The following MSH4 variants were observed in gnomAD, a reference collection of about 807,000 sequenced individuals.
MSH4 encodes the protein mutS protein homolog 4.
MSH4 carries 106 observed loss-of-function variants against 113.7 expected under a neutral mutation model. That is an observed-to-expected ratio of 0.93 (90% CI 0.80 to 1.10). The LOEUF (loss-of-function observed/expected upper bound fraction) is 1.10, where lower values mean the gene tolerates loss of function less well. Ranked by LOEUF, MSH4 falls within the 50% of genes least tolerant of loss-of-function variation. The pLI is 0.00. For synonymous variants in MSH4, 368 were observed against 380.2 expected (o/e 0.97, Z 0.37); for missense variants, 1,061 against 1,093.7 (o/e 0.97, Z 0.42).
chr1:75,858,299 T>C (rs142820161), intron 8 of MSH4, among the ~76,000 whole-genome samples: 39,529 of 152,176 alleles, frequency 0.26, 6,533 homozygotes, highest in East Asian at 0.68. Flanking sequence ...CTTCCAATAC[T>C]ATGTTGAATA....
chr1:75,878,940 T>G, intron 11 of MSH4, 52 bp from the exon 12 acceptor site: 1 of 1,506,174 alleles, frequency 6.6e-7, no homozygotes. Context: ...TTTTTCTCAT[T>G]AAAATTTATT....
intron 6 of MSH4, 50 bp from the exon 7 acceptor site, chr1:75,822,359 T>C (rs750450798): frequency 1.7e-6 from 2 of 1,189,610 alleles, no homozygotes; most frequent in South Asian, 2.9e-5. Flanking sequence ...AAATGAAATT[T>C]TCTTGCGTTT....
At chr1:75,848,171 A>G (rs751040078) in intron 7 of MSH4, 38 bp from the exon 8 acceptor site, 1 of 1,379,444 alleles carries the variant, frequency 7.2e-7, no homozygotes, top group Non-Finnish European at 1.0e-6. Flanking sequence ...GAACTGTACC[A>G]TAAAGTTTAA....
chr1:75,822,195 A>G (rs1233414249), intron 6 of MSH4, among the ~76,000 whole-genome samples: 1 of 150,804 alleles, frequency 6.6e-6, no homozygotes, highest in Non-Finnish European at 1.5e-5. Context: ...AAGCTGAGGC[A>G]GGAGAATGGC....
rs559765439 is a variant in MSH4, at chr1:75,838,657, C to G, written c.1163-9552C>G. On this transcript the variant is annotated intron_variant, in intron 7 of 19. Coordinates refer to ENST00000263187, the MANE Select transcript of MSH4 (RefSeq NM_002440.4). ...ATCTCCCACAGCATCTCTTGATACT[C>G]TTCACTCTCCATTTTCTCTTCTAGT... 2.6e-5 allele frequency among the ~76,000 whole-genome samples: 4 copies of G among 152,260 alleles called. No individual in the cohort carries two copies. The East Asian group carries it at 5.8e-4, about 22-fold the overall frequency.
At chr1:75,803,274 G>A (rs925625040) in intron 1 of MSH4, among the ~76,000 whole-genome samples, 1 of 152,076 alleles carries the variant, frequency 6.6e-6, no homozygotes, top group Non-Finnish European at 1.5e-5. Flanking sequence ...CATTAATTTT[G>A]TTATAATCTG....
At chr1:75,865,542 C>T (rs1651544729) in intron 8 of MSH4, among the ~76,000 whole-genome samples, 1 of 152,148 alleles carries the variant, frequency 6.6e-6, no homozygotes, top group African/African-American at 2.4e-5. Context: ...CAAGGAGAAA[C>T]ATGGGCAAAA....
chr1:75,908,184 C>T (rs1381666229), intron 19 of MSH4, among the ~76,000 whole-genome samples: 2 of 139,282 alleles, frequency 1.4e-5, no homozygotes, highest in African/African-American at 5.4e-5. Context: ...CTGGCTCTGT[C>T]ACCCAGGCTG....
chr1:75,837,927 C>G (rs1403399675), intron 7 of MSH4, among the ~76,000 whole-genome samples: 1 of 152,192 alleles, frequency 6.6e-6, no homozygotes, highest in Non-Finnish European at 1.5e-5. Context: ...TTATAAGAGC[C>G]TCCTATTTGG....
intron 7 of MSH4, among the ~76,000 whole-genome samples, chr1:75,831,333 A>G (rs934305647): frequency 2.6e-5 from 4 of 152,164 alleles, no homozygotes; most frequent in African/African-American, 9.7e-5. Flanking sequence ...CCCACACAAT[A>G]ATAGTCGGAG....
intron 15 of MSH4, among the ~76,000 whole-genome samples, chr1:75,888,884 G>A (rs1487327215): frequency 6.7e-6 from 1 of 150,020 alleles, no homozygotes; most frequent in Non-Finnish European, 1.5e-5. Flanking sequence ...TGTACAGTAG[G>A]TAGGGCAACT....
chr1:75,822,690 T>C (rs1650448980), intron 7 of MSH4, 109 bp downstream of exon 7: 2 of 536,314 alleles, frequency 3.7e-6, no homozygotes, highest in Non-Finnish European at 5.9e-6. Context: ...TTAATTCTTG[T>C]ATTCTTTTAT....
chr1:75,855,205 T>G (rs1466225484), intron 8 of MSH4, among the ~76,000 whole-genome samples: 1 of 152,088 alleles, frequency 6.6e-6, no homozygotes, highest in Non-Finnish European at 1.5e-5. Context: ...ACCCAACTAA[T>G]TTTTAAGTTT....
chr1:75,834,703 TCTCA>T (rs1431490757), intron 7 of MSH4, among the ~76,000 whole-genome samples: 2 of 152,136 alleles, frequency 1.3e-5, no homozygotes, highest in Non-Finnish European at 2.9e-5. Flanking sequence ...CACCGCATGT[TCTCA>T]CTCATAGGTG....
Position 75,850,053 on chromosome 1 carries a change from T to A in MSH4, c.1230+1777T>A, listed in dbSNP as rs577431507. On this transcript the variant is annotated intron_variant, in intron 8 of 19. Coordinates refer to ENST00000263187, the MANE Select transcript of MSH4 (RefSeq NM_002440.4). ...ATTCCTGATACTGATAATTTTAATA[T>A]GTTCTCTGTTTTTCTTAATCAGCCT... 1.4e-4 allele frequency among the ~76,000 whole-genome samples: 21 copies of A among 152,246 alleles called. No homozygotes were observed. The South Asian group carries it at 4.4e-3, about 32-fold the overall frequency.
chr1:75,804,019 T>C (rs895362408), intron 2 of MSH4, 106 bp downstream of exon 2: 4 of 723,166 alleles, frequency 5.5e-6, no homozygotes, highest in Admixed American at 3.9e-5. Context: ...ATAACTGATA[T>C]GAATGAAAAA....
At position 75,889,365 on chromosome 1, in the gene MSH4, AAG is replaced by A. The variant is rs1298368007; in HGVS notation, c.2225_2226del (p.Glu742AspfsTer7). 7 of 1,391,928 alleles carry A rather than the reference AAG, an allele frequency of 5.0e-6. No individual in the cohort carries two copies. Among genetic ancestry groups the A allele is most frequent in the Non-Finnish European group, 7.0e-6 (7 of 1,002,686 alleles). The allele number at this position is 1,391,928 out of a possible 1,614,324, so 86.2% of individuals were successfully genotyped here. A position where few individuals can be genotyped will look rare whatever the true frequency, so the allele number is the denominator to read the frequency against. Reference sequence around the variant, plus strand: ...TCATCAACATTTATGAAAGAAATGAAAGAGGTACCCAAACAAAACTTTTCTTA... The same window carrying A: ...TCATCAACATTTATGAAAGAAATGAAAGGTACCCAAACAAAACTTTTCTTA... On this transcript the variant is annotated frameshift_variant and splice_region_variant, in exon 16 of 20. Coordinates refer to ENST00000263187, the MANE Select transcript of MSH4 (RefSeq NM_002440.4). LOFTEE classifies it high-confidence loss of function.
chr1:75,904,334 G>T (rs1652572958), intron 19 of MSH4, among the ~76,000 whole-genome samples: 1 of 151,882 alleles, frequency 6.6e-6, no homozygotes, highest in Non-Finnish European at 1.5e-5. Context: ...TTTATTTGTT[G>T]TTTCATAGTC....
chr1:75,891,093 G>A (rs1453509741), intron 17 of MSH4, among the ~76,000 whole-genome samples: 3 of 152,096 alleles, frequency 2.0e-5, no homozygotes, highest in African/African-American at 7.2e-5. Context: ...AAATTCAGTA[G>A]CAAAATATGA....
Sources: allele counts gnomAD v4.1 joint callset (sites outside exome capture counted in the v4.1 genomes callset), GRCh38; gene constraint gnomAD v4.1.1; transcripts MANE v1.5; gene names NCBI Gene and HGNC (gene_info 2026-07-23, HGNC 2026-07-21).